LRP1B: variants seen among roughly 807,000 people sequenced by gnomAD.
The protein encoded by LRP1B is low-density lipoprotein receptor-related protein 1B.
LRP1B carries 217 observed loss-of-function variants against 556.6 expected under a neutral mutation model. The observed-to-expected ratio is 0.39, with a 90% confidence interval of 0.35 to 0.44. The LOEUF (loss-of-function observed/expected upper bound fraction) is 0.44, where lower values mean the gene tolerates loss of function less well. LRP1B is among the 20% of genes least tolerant of loss of function. LRP1B has a pLI of 1.00. For missense variants in LRP1B, 5,053 were observed against 5,620.8 expected, an observed-to-expected ratio of 0.90 and a Z score of 3.23; for synonymous variants, 2,047 against 1,865.8, an observed-to-expected ratio of 1.10 and a Z score of -2.50.
chr2:141,041,992 G>A (rs557850086), intron 11 of LRP1B, among the ~76,000 whole-genome samples: 2 of 152,108 alleles, frequency 1.3e-5, no homozygotes, highest in East Asian at 3.9e-4. Flanking sequence ...TGGGGATGAG[G>A]ACCTAGATAT....
intron 1 of LRP1B, among the ~76,000 whole-genome samples, chr2:141,911,023 T>C (rs1322231218): frequency 1.3e-5 from 2 of 152,036 alleles, no homozygotes; most frequent in East Asian, 3.9e-4. Context: ...CAGGTACATA[T>C]ACACATGCAG....
At chr2:141,972,222 G>C (rs1348676136) in intron 1 of LRP1B, among the ~76,000 whole-genome samples, 2 of 151,466 alleles carry the variant, frequency 1.3e-5, no homozygotes, top group African/African-American at 4.8e-5. Context: ...CAAGATGGTT[G>C]TTCTATTGAA....
intron 61 of LRP1B, 61 bp from the exon 62 acceptor site, chr2:140,456,664 T>C: frequency 6.7e-7 from 1 of 1,494,394 alleles, no homozygotes; most frequent in Non-Finnish European, 9.1e-7. Context: ...TAATATAACA[T>C]GGGATTAGAG....
intron 31 of LRP1B, among the ~76,000 whole-genome samples, chr2:140,835,197 T>C (rs1691857563): frequency 6.6e-6 from 1 of 152,218 alleles, no homozygotes; most frequent in African/African-American, 2.4e-5. Flanking sequence ...CTTGCATCTG[T>C]TGAGAAAATC....
chr2:140,919,396 G>A (rs1054959764), intron 21 of LRP1B, among the ~76,000 whole-genome samples: 6 of 152,032 alleles, frequency 3.9e-5, no homozygotes, highest in Admixed American at 2.6e-4. Flanking sequence ...CAATTGCAGT[G>A]CCTGTGTCCT....
intron 41 of LRP1B, among the ~76,000 whole-genome samples, chr2:140,688,838 C>CTT: frequency 6.6e-6 from 1 of 152,160 alleles, no homozygotes; most frequent in Admixed American, 6.5e-5. Flanking sequence ...CTGCCAACTG[C>CTT]CAGGCATATG....
intron 35 of LRP1B, among the ~76,000 whole-genome samples, chr2:140,739,382 G>C (rs965850550): frequency 6.6e-6 from 1 of 151,030 alleles, no homozygotes; most frequent in Non-Finnish European, 1.5e-5. Flanking sequence ...AAAAATGACA[G>C]AATAGGTACA....
At chr2:140,660,074 A>C (rs1270148710) in intron 41 of LRP1B, among the ~76,000 whole-genome samples, 2 of 152,050 alleles carry the variant, frequency 1.3e-5, no homozygotes, top group Admixed American at 1.3e-4. Context: ...AGTGTTTTTC[A>C]AAAAGTGTAT....
chr2:141,125,298 A>T (rs1044385051), intron 7 of LRP1B, among the ~76,000 whole-genome samples: 3 of 152,212 alleles, frequency 2.0e-5, no homozygotes, highest in South Asian at 2.1e-4. Context: ...TTCAGAGTTT[A>T]AAAGATCCAT....
intron 1 of LRP1B, among the ~76,000 whole-genome samples, chr2:141,890,643 T>C (rs544668327): frequency 6.6e-6 from 1 of 151,926 alleles, no homozygotes; most frequent in Non-Finnish European, 1.5e-5. Flanking sequence ...CAGTCAATTA[T>C]TTATGTGGTC....
At chr2:141,015,661 C>G (rs758446288) in intron 13 of LRP1B, 35 bp downstream of exon 13, 1 of 1,496,796 alleles carries the variant, frequency 6.7e-7, no homozygotes, top group South Asian at 1.1e-5. Flanking sequence ...AAAAAAGAAG[C>G]CTGTGGGTTA....
In LRP1B at chr2:140,910,472, T is replaced by G. The variant is rs540631774; in HGVS notation, c.3320-2395A>C. On this transcript the variant is annotated intron_variant, in intron 21 of 90. Coordinates refer to ENST00000389484, the MANE Select transcript of LRP1B (RefSeq NM_018557.3). ...AATACAAACATGAAGCTGAATTTTA[T>G]AAACATATTTTATTCCATATTGCAA... Among the ~76,000 whole-genome samples, 7 of 151,964 alleles carry G rather than the reference T, an allele frequency of 4.6e-5. No homozygotes were observed. In the South Asian group the frequency reaches 1.4e-3, roughly 31 times the overall value.
intron 7 of LRP1B, among the ~76,000 whole-genome samples, chr2:141,138,148 A>G (rs753947961): frequency 2.7e-4 from 41 of 151,946 alleles, no homozygotes; most frequent in Non-Finnish European, 1.6e-4. Context: ...TAGAATATCA[A>G]TGTAATTAAT....
chr2:142,021,324 GT>G (rs1451942347), intron 1 of LRP1B, among the ~76,000 whole-genome samples: 7 of 152,006 alleles, frequency 4.6e-5, no homozygotes, highest in African/African-American at 1.7e-4. Context: ...ATGTGCGTGT[GT>G]GTGTGTGTGT....
At chr2:141,547,556 G>A (rs1233906566) in intron 2 of LRP1B, among the ~76,000 whole-genome samples, 1 of 152,094 alleles carries the variant, frequency 6.6e-6, no homozygotes, top group African/African-American at 2.4e-5. Context: ...AGCTGTAACT[G>A]TTAGCATTCC....
At chr2:141,292,641 A>G (rs1327875019) in intron 3 of LRP1B, among the ~76,000 whole-genome samples, 1 of 152,174 alleles carries the variant, frequency 6.6e-6, no homozygotes, top group Non-Finnish European at 1.5e-5. Context: ...TTCCCTCTGT[A>G]GTATTCCTCC....
intron 3 of LRP1B, among the ~76,000 whole-genome samples, chr2:141,450,543 C>T (rs75555377): frequency 0.054 from 8,131 of 150,882 alleles, 299 homozygotes; most frequent in South Asian, 0.14. Flanking sequence ...GAGACAGAAT[C>T]CTATTTTTAA....
chr2:140,839,840 AC>A, intron 31 of LRP1B, 150 bp downstream of exon 31: 1 of 621,022 alleles, frequency 1.6e-6, no homozygotes, highest in Non-Finnish European at 2.8e-6. Context: ...CCTAACAGAA[AC>A]CCAATGGATT....
intron 7 of LRP1B, among the ~76,000 whole-genome samples, chr2:141,106,438 A>G (rs1177483815): frequency 1.3e-5 from 2 of 152,178 alleles, no homozygotes; most frequent in Non-Finnish European, 2.9e-5. Context: ...AAAATAAATA[A>G]ATAAAAGTTA....
Sources: allele counts gnomAD v4.1 joint callset (sites outside exome capture counted in the v4.1 genomes callset), GRCh38; gene constraint gnomAD v4.1.1; transcripts MANE v1.5; gene names NCBI Gene and HGNC (gene_info 2026-07-23, HGNC 2026-07-21).